The following NRG3 variants were observed in gnomAD, a reference collection of about 807,000 sequenced individuals.
The protein encoded by NRG3 is neuregulin 3, also known as pro-neuregulin-3, membrane-bound isoform.
NRG3 carries 31 observed loss-of-function variants against 66.9 expected under a neutral mutation model. That is an observed-to-expected ratio of 0.46 (90% CI 0.35 to 0.63). The LOEUF (loss-of-function observed/expected upper bound fraction) is 0.63. Among genes scored for constraint, NRG3 ranks in the 20% least tolerant of loss-of-function variants. The probability of loss-of-function intolerance (pLI) is 0.00; values close to 1 mark genes in which losing one functional copy is unlikely to be tolerated. For missense variants in NRG3, 910 were observed against 878.9 expected (o/e 1.04, Z -0.45); for synonymous variants, 393 against 359.4 (o/e 1.09, Z -1.06).
At chr10:82,476,690 C>T (rs1564966839) in intron 2 of NRG3, among the ~76,000 whole-genome samples, 1 of 151,942 alleles carries the variant, frequency 6.6e-6, no homozygotes, top group Non-Finnish European at 1.5e-5. Flanking sequence ...ATGTTGGTTG[C>T]CAAGGGATGT....
chr10:82,644,417 G>A (rs2050794666), intron 2 of NRG3, among the ~76,000 whole-genome samples: 1 of 152,066 alleles, frequency 6.6e-6, no homozygotes. Flanking sequence ...ATTCTTGAGG[G>A]CAGATGCCTT....
chr10:82,974,443 A>T (rs562837123), intron 7 of NRG3, among the ~76,000 whole-genome samples: 3 of 152,336 alleles, frequency 2.0e-5, no homozygotes, highest in Admixed American at 6.5e-5. Context: ...AGCCAAAAAC[A>T]TAGTTATTTG....
In NRG3 at chr10:82,849,112, G is replaced by A. The variant is rs114501438; in HGVS notation, c.1028-16299G>A. On this transcript the variant is annotated intron_variant, in intron 3 of 8. Coordinates refer to ENST00000372141, the MANE Select transcript of NRG3 (RefSeq NM_001010848.4). ...TTACAATGGGGTCTTTAGCATGGGC[G>A]CTAATCGAATATAACTGATATCCTT... is the stretch of plus-strand genomic sequence containing the variant. Among the ~76,000 whole-genome samples the A allele has an allele frequency of 2.5e-3, 373 of 152,220 alleles. 1 individual carries two copies. The highest frequency in any genetic ancestry group is 8.5e-3 in the African/African-American group (352 of 41,542).
intron 2 of NRG3, among the ~76,000 whole-genome samples, chr10:82,631,134 A>G (rs2049800763): frequency 6.6e-6 from 1 of 152,170 alleles, no homozygotes; most frequent in African/African-American, 2.4e-5. Context: ...CTGTCTGCTG[A>G]GAAAAAGAAC....
At chr10:82,884,702 T>C (rs1043766307) in intron 4 of NRG3, among the ~76,000 whole-genome samples, 1 of 152,298 alleles carries the variant, frequency 6.6e-6, no homozygotes, top group East Asian at 1.9e-4. Flanking sequence ...CCATCATATA[T>C]TTACCAAATT....
chr10:82,542,866 A>T (rs2043635551), intron 2 of NRG3, among the ~76,000 whole-genome samples: 1 of 151,924 alleles, frequency 6.6e-6, no homozygotes, highest in Non-Finnish European at 1.5e-5. Flanking sequence ...AGGTAAATAT[A>T]ATTGTGATGC....
At chr10:82,972,676 G>C (rs1373985030) in intron 6 of NRG3, among the ~76,000 whole-genome samples, 2 of 152,138 alleles carry the variant, frequency 1.3e-5, no homozygotes, top group Non-Finnish European at 2.9e-5. Flanking sequence ...ACATCTTAGA[G>C]TATCATCTTA....
At chr10:82,700,148 T>C (rs1253867028) in intron 2 of NRG3, among the ~76,000 whole-genome samples, 2 of 152,136 alleles carry the variant, frequency 1.3e-5, no homozygotes, top group African/African-American at 2.4e-5. Flanking sequence ...GAGTGAAAAT[T>C]ATTTTGATCA....
intron 5 of NRG3, among the ~76,000 whole-genome samples, chr10:82,954,877 C>G (rs1443622609): frequency 6.6e-6 from 1 of 151,318 alleles, no homozygotes; most frequent in Non-Finnish European, 1.5e-5. Flanking sequence ...ACAGAATATC[C>G]AAACTCTACC....
rs895632093 is a variant in NRG3, at chr10:82,986,779, A to G, written c.*1174A>G. 2 of 152,220 alleles carry G rather than the reference A, an allele frequency of 1.3e-5. No individual in the cohort carries two copies. The highest frequency in any genetic ancestry group is 1.5e-5 in the Non-Finnish European group (1 of 68,040). The allele number at this position is 152,220 out of a possible 1,614,324, so 9.4% of individuals were successfully genotyped here. On this transcript the variant is annotated 3_prime_UTR_variant, in exon 9 of 9. Coordinates refer to ENST00000372141, the MANE Select transcript of NRG3 (RefSeq NM_001010848.4). ...TGCCTACTTAAATTATTAATACAAGACAATTAACAAATTGACAGTTACCAT... is the reference window on the plus strand; with the variant it reads ...TGCCTACTTAAATTATTAATACAAGGCAATTAACAAATTGACAGTTACCAT...
intron 3 of NRG3, among the ~76,000 whole-genome samples, chr10:82,821,435 C>A (rs1398205283): frequency 1.3e-5 from 2 of 150,686 alleles, no homozygotes; most frequent in African/African-American, 4.9e-5. Context: ...AATTATGAAT[C>A]TTTGTCACTG....
chr10:82,469,564 G>C (rs1355625007), intron 2 of NRG3, among the ~76,000 whole-genome samples: 1 of 152,190 alleles, frequency 6.6e-6, no homozygotes, highest in African/African-American at 2.4e-5. Flanking sequence ...TTCAGGGAGT[G>C]ATCATGGCTA....
intron 2 of NRG3, among the ~76,000 whole-genome samples, chr10:82,401,516 T>G (rs564988683): frequency 3.9e-5 from 6 of 152,262 alleles, no homozygotes; most frequent in African/African-American, 1.4e-4. Flanking sequence ...TTGAATGTAC[T>G]TTGATTCCAC....
At chr10:81,877,825 A>G in intron 1 of NRG3, 1 of 1,436,118 alleles carries the variant, frequency 7.0e-7, no homozygotes, top group South Asian at 1.5e-5. Context: ...CCTCCACTCA[A>G]CAAATCTAGC....
intron 1 of NRG3, among the ~76,000 whole-genome samples, chr10:82,032,391 TTTG>T (rs142925186): frequency 4.6e-5 from 7 of 150,684 alleles, no homozygotes; most frequent in South Asian, 2.1e-4. Context: ...TGGTTCCTGG[TTTG>T]TTGTTGTTGT....
At chr10:82,572,155 C>T (rs1590718398) in intron 2 of NRG3, among the ~76,000 whole-genome samples, 1 of 151,674 alleles carries the variant, frequency 6.6e-6, no homozygotes, top group African/African-American at 2.4e-5. Flanking sequence ...GAATTCTATA[C>T]TTGAACATAT....
intron 1 of NRG3, among the ~76,000 whole-genome samples, chr10:82,025,331 C>A (rs927506269): frequency 6.6e-6 from 1 of 151,036 alleles, no homozygotes; most frequent in African/African-American, 2.4e-5. Flanking sequence ...TTTCCATGTA[C>A]GTATATTTGA....
chr10:82,458,188 A>C (rs1006662710), intron 2 of NRG3, among the ~76,000 whole-genome samples: 1 of 152,208 alleles, frequency 6.6e-6, no homozygotes, highest in Non-Finnish European at 1.5e-5. Context: ...CAACCCAACC[A>C]GGGGACAGCT....
chr10:82,511,128 C>G (rs1845126249), intron 2 of NRG3, among the ~76,000 whole-genome samples: 1 of 152,112 alleles, frequency 6.6e-6, no homozygotes, highest in African/African-American at 2.4e-5. Context: ...CAGGAGAAGA[C>G]TGGCCTATAA....
Sources: allele counts gnomAD v4.1 joint callset (sites outside exome capture counted in the v4.1 genomes callset), GRCh38; gene constraint gnomAD v4.1.1; transcripts MANE v1.5; gene names NCBI Gene and HGNC (gene_info 2026-07-23, HGNC 2026-07-21).